CLVS1: variants seen among roughly 807,000 people sequenced by gnomAD.
CLVS1 encodes clavesin 1.
CLVS1 carries 10 observed loss-of-function variants against 33.1 expected under a neutral mutation model. The ratio of observed to expected loss-of-function variants is 0.30; its 90% confidence interval spans 0.19 to 0.51. The LOEUF (loss-of-function observed/expected upper bound fraction) is 0.51. Ranked by LOEUF, CLVS1 falls within the 20% of genes least tolerant of loss-of-function variation. The pLI, the probability that CLVS1 is intolerant of heterozygous loss-of-function variation, is 0.97. For missense variants in CLVS1, 343 were observed against 433.4 expected (o/e 0.79, Z 1.85); for synonymous variants, 163 against 166.1 (o/e 0.98, Z 0.14).
At chr8:61,137,332 C>A (rs993371289) in intron 2 of CLVS1, among the ~76,000 whole-genome samples, 2 of 152,142 alleles carry the variant, frequency 1.3e-5, no homozygotes, top group Non-Finnish European at 2.9e-5. Context: ...AAAACATGGG[C>A]TTGGAAGTCA....
In CLVS1 at chr8:61,444,483, G is replaced by A. The variant is rs142830554; in HGVS notation, c.631-9658G>A. Among the ~76,000 whole-genome samples the A allele has an allele frequency of 4.5e-3, 688 of 152,310 alleles. 6 individuals carry two copies. The highest frequency in any genetic ancestry group is 0.016 in the African/African-American group (665 of 41,556). ...AGTCTTTTTATGTATCAGTAGATAT[G>A]ATCACATGACTTTTCTTCTTTGGCT... On this transcript the variant is annotated intron_variant, in intron 3 of 5. Coordinates refer to ENST00000325897, the MANE Select transcript of CLVS1 (RefSeq NM_173519.3).
chr8:61,198,812 T>C lies in CLVS1; in HGVS notation c.-152+66952T>C, dbSNP rs185553103. On this transcript the variant is annotated intron_variant, in intron 2 of 2. Transcript: ENST00000522621. ...TAGTCCCCACTTATAAGTGAGAACA[T>C]CCTGTATTTGGTTTTCGATTCCTGA... Among the ~76,000 whole-genome samples, 81 of 152,338 alleles carry C rather than the reference T, an allele frequency of 5.3e-4. 1 individual carries two copies. Among genetic ancestry groups the C allele is most frequent in the Non-Finnish European group, 5.9e-5 (4 of 68,032 alleles).
intron 2 of CLVS1, among the ~76,000 whole-genome samples, chr8:61,228,463 C>A (rs2978544): frequency 8.5e-5 from 13 of 152,100 alleles, no homozygotes; most frequent in African/African-American, 2.9e-4. Context: ...CCTAACCTAC[C>A]AAACATCATA....
rs1804589310 is a variant in CLVS1, at chr8:61,500,335, G to T, written c.*793G>T. The T allele has an allele frequency of 6.6e-6, 1 of 152,156 alleles. No homozygotes were observed. Among genetic ancestry groups the T allele is most frequent in the African/African-American group, 2.4e-5 (1 of 41,430 alleles). 9.4% of individuals were successfully genotyped at this position (152,156 alleles called of 1,614,324 possible). A position where few individuals can be genotyped will look rare whatever the true frequency, so the allele number is the denominator to read the frequency against. On this transcript the variant is annotated 3_prime_UTR_variant, in exon 6 of 6. Coordinates refer to ENST00000325897, the MANE Select transcript of CLVS1 (RefSeq NM_173519.3). ...TGTCTCATGAAAATCACATGTCAGTGATTAATGAATCCATTCCAGTTGCCT... is the reference window on the plus strand; with the variant it reads ...TGTCTCATGAAAATCACATGTCAGTTATTAATGAATCCATTCCAGTTGCCT...
At chr8:61,186,613 G>A (rs1807349256) in intron 2 of CLVS1, among the ~76,000 whole-genome samples, 1 of 151,774 alleles carries the variant, frequency 6.6e-6, no homozygotes, top group Admixed American at 6.6e-5. Context: ...GAACAATGAA[G>A]AATGGGCACT....
intron 2 of CLVS1, among the ~76,000 whole-genome samples, chr8:61,258,098 T>C (rs1375106353): frequency 6.6e-6 from 1 of 152,180 alleles, no homozygotes; most frequent in African/African-American, 2.4e-5. Flanking sequence ...TCTTCTCTTC[T>C]CTGCTCCCAT....
At chr8:61,331,473 T>C (rs1404466938) in intron 2 of CLVS1, among the ~76,000 whole-genome samples, 1 of 151,760 alleles carries the variant, frequency 6.6e-6, no homozygotes, top group Non-Finnish European at 1.5e-5. Flanking sequence ...ATTATTATTA[T>C]TATTATTTTT....
chr8:61,068,223 G>GTATATATATATATATATATATA (rs71521932), intron 1 of CLVS1, among the ~76,000 whole-genome samples: 1 of 105,184 alleles, frequency 9.5e-6, no homozygotes, highest in African/African-American at 5.3e-5. Flanking sequence ...ATATATGTAT[G>GTATATATATATATATATATATA]TATGTGTATA....
intron 2 of CLVS1, among the ~76,000 whole-genome samples, chr8:61,354,992 A>G (rs1483945605): frequency 6.6e-6 from 1 of 152,156 alleles, no homozygotes; most frequent in Non-Finnish European, 1.5e-5. Flanking sequence ...CTGCATCTGA[A>G]TCTACAGTTA....
At chr8:61,450,199 G>A (rs1816903457) in intron 3 of CLVS1, among the ~76,000 whole-genome samples, 1 of 152,146 alleles carries the variant, frequency 6.6e-6, no homozygotes, top group Non-Finnish European at 1.5e-5. Context: ...ATTGAGTAAA[G>A]TTGGGCTGCA....
chr8:61,173,367 T>G (rs1055450914), intron 2 of CLVS1, among the ~76,000 whole-genome samples: 1 of 152,294 alleles, frequency 6.6e-6, no homozygotes, highest in African/African-American at 2.4e-5. Context: ...TAGAAATTTG[T>G]GGAGATCAAT....
At chr8:61,019,076 A>T in the CLVS1 span, among the ~76,000 whole-genome samples, 3 of 152,250 alleles carry the variant, frequency 2.0e-5, no homozygotes, top group African/African-American at 7.2e-5. Flanking sequence ...TCTGGATTTC[A>T]TAACTAGGCT....
At chr8:61,393,004 C>T (rs1333394853) in intron 3 of CLVS1, among the ~76,000 whole-genome samples, 1 of 151,952 alleles carries the variant, frequency 6.6e-6, no homozygotes, top group East Asian at 1.9e-4. Flanking sequence ...CTGCCTCAGC[C>T]TCCTGAGTAG....
chr8:61,209,100 A>G (rs1807919960), intron 2 of CLVS1, among the ~76,000 whole-genome samples: 2 of 152,258 alleles, frequency 1.3e-5, no homozygotes, highest in South Asian at 2.1e-4. Context: ...CTATTTTAAT[A>G]AATCTCTCCA....
chr8:61,394,779 G>A (rs1224485573), intron 3 of CLVS1, among the ~76,000 whole-genome samples: 1 of 152,124 alleles, frequency 6.6e-6, no homozygotes, highest in Non-Finnish European at 1.5e-5. Flanking sequence ...CATAATGGCT[G>A]TACCAATTTA....
At chr8:61,475,354 C>CAT (rs1817882871) in intron 5 of CLVS1, among the ~76,000 whole-genome samples, 1 of 152,160 alleles carries the variant, frequency 6.6e-6, no homozygotes, top group African/African-American at 2.4e-5. Context: ...AGTTCTAGAT[C>CAT]CCTGAGGAAT....
chr8:60,980,065 G>T, the CLVS1 span, among the ~76,000 whole-genome samples: 3 of 152,202 alleles, frequency 2.0e-5, no homozygotes, highest in African/African-American at 7.2e-5. Flanking sequence ...CTTGGGGCAG[G>T]ATGAGAGGCT....
At chr8:61,068,448 C>A (rs910837733) in intron 1 of CLVS1, among the ~76,000 whole-genome samples, 143 of 151,924 alleles carry the variant, frequency 9.4e-4, no homozygotes, top group African/African-American at 3.4e-3. Context: ...TGCGTAGGAA[C>A]CTCTAACTGG....
intron 1 of CLVS1, among the ~76,000 whole-genome samples, chr8:61,079,933 C>T (rs1412929880): frequency 6.6e-6 from 1 of 152,118 alleles, no homozygotes; most frequent in African/African-American, 2.4e-5. Flanking sequence ...AAAAGTTTAC[C>T]TTACCCTAGT....
Sources: gnomAD v4.1 joint callset for allele counts (sites outside exome capture counted in the v4.1 genomes callset) on GRCh38, gnomAD v4.1.1 for gene constraint, MANE v1.5 for transcripts, NCBI Gene and HGNC (gene_info 2026-07-23, HGNC 2026-07-21) for gene names.